LNX1: variants seen among roughly 807,000 people sequenced by gnomAD.
LNX1 encodes ligand of numb-protein X 1, also known as E3 ubiquitin-protein ligase LNX.
A neutral mutation model predicts 68.4 loss-of-function variants in LNX1; 54 were observed. That is an observed-to-expected ratio of 0.79 (90% CI 0.63 to 0.99). LNX1 has a LOEUF of 0.99. Among genes scored for constraint, LNX1 ranks in the 50% least tolerant of loss-of-function variants. The pLI, the probability that LNX1 is intolerant of heterozygous loss-of-function variation, is 0.00. For missense variants in LNX1, 906 were observed against 926.4 expected (o/e 0.98, Z 0.29); for synonymous variants, 336 against 350.0 (o/e 0.96, Z 0.45).
In LNX1 at chr4:53,481,746, G is replaced by A; in HGVS notation, c.1459C>T (p.Pro487Ser). Reference protein sequence around the residue: ...WNSNGSWSPGPGERSNTPKPL... With the variant: ...WNSNGSWSPGSGERSNTPKPL... Reference sequence around the variant, plus strand: ...TTGGGAGTGTTGCTCCTCTCCCCTGGCCCTGGGGACCAGCTGCCATTGCTG... The same window carrying A: ...TTGGGAGTGTTGCTCCTCTCCCCTGACCCTGGGGACCAGCTGCCATTGCTG... Residue 487 changes from proline (P) to serine (S), a missense_variant, in exon 7 of 11, where the codon CCA becomes TCA. Pro to Ser is a moderately conservative substitution (Grantham distance 74). Transcript: ENST00000263925. 1 of 1,613,744 alleles carries A rather than the reference G, an allele frequency of 6.2e-7. No homozygotes were observed. The highest frequency in any genetic ancestry group is 8.5e-7 in the Non-Finnish European group (1 of 1,179,820).
chr4:53,512,761 C>T (rs1346299388), intron 2 of LNX1, among the ~76,000 whole-genome samples: 2 of 152,070 alleles, frequency 1.3e-5, no homozygotes, highest in South Asian at 2.1e-4. Context: ...GGAAGTAAGT[C>T]TCCTTGCCAG....
chr4:53,586,718 A>G (rs1732194316), intron 1 of LNX1, among the ~76,000 whole-genome samples: 2 of 152,256 alleles, frequency 1.3e-5, no homozygotes, highest in African/African-American at 4.8e-5. Context: ...GGCAAAGAGA[A>G]CAAGAGTAAA....
In LNX1 at chr4:53,460,902, T is replaced by G; in HGVS notation, c.*5A>C. ...TTTCTGTTTTCCTCTGACCCATCAT[T>G]GATTCTATAAAAAAGTGCCAGGCCA... On this transcript the variant is annotated 3_prime_UTR_variant, in exon 11 of 11. Transcript: ENST00000263925. The G allele has an allele frequency of 6.2e-7, 1 of 1,608,174 alleles. No homozygotes were observed. The highest frequency in any genetic ancestry group is 8.5e-7 in the Non-Finnish European group (1 of 1,177,822).
intron 2 of LNX1, among the ~76,000 whole-genome samples, chr4:53,541,105 C>G (rs1472370759): frequency 2.0e-5 from 3 of 147,300 alleles, no homozygotes; most frequent in African/African-American, 7.5e-5. Context: ...CCACTGCACT[C>G]CAGCCTGGGT....
intron 2 of LNX1, among the ~76,000 whole-genome samples, chr4:53,573,256 C>A (rs893432786): frequency 6.6e-6 from 1 of 152,030 alleles, no homozygotes; most frequent in Non-Finnish European, 1.5e-5. Flanking sequence ...ATGGGGAATT[C>A]GTGTTTAATG....
chr4:53,547,579 C>G (rs1241415771), intron 2 of LNX1, among the ~76,000 whole-genome samples: 1 of 152,040 alleles, frequency 6.6e-6, no homozygotes. Flanking sequence ...TTCTGGGGTC[C>G]CTGACCTCTC....
chr4:53,615,984 A>G (rs537725577), intron 2 of LNX1, among the ~76,000 whole-genome samples: 1 of 143,006 alleles, frequency 7.0e-6, no homozygotes, highest in African/African-American at 2.6e-5. Context: ...GCTATCAAAT[A>G]GCAGGTCTTA....
intron 2 of LNX1, among the ~76,000 whole-genome samples, chr4:53,533,214 G>T (rs1191352349): frequency 4.6e-5 from 7 of 152,198 alleles, no homozygotes; most frequent in Admixed American, 2.6e-4. Flanking sequence ...GGAAGCAGGG[G>T]CTGAGGCACA....
chr4:53,527,411 T>C (rs1727695868), intron 2 of LNX1, among the ~76,000 whole-genome samples: 1 of 152,204 alleles, frequency 6.6e-6, no homozygotes, highest in Non-Finnish European at 1.5e-5. Flanking sequence ...AAAATCCTTC[T>C]GAGAGTGAGT....
intron 6 of LNX1, among the ~76,000 whole-genome samples, chr4:53,493,941 C>T (rs1385507565): frequency 1.3e-5 from 2 of 152,182 alleles, no homozygotes; most frequent in Admixed American, 1.3e-4. Flanking sequence ...CGGATAAAGT[C>T]TGAGGTCCTT....
chr4:53,646,542 A>G (rs1734887480), intron 1 of LNX1, among the ~76,000 whole-genome samples: 1 of 152,184 alleles, frequency 6.6e-6, no homozygotes. Flanking sequence ...TTGTCACCCA[A>G]TCTACATTTT....
intron 1 of LNX1, among the ~76,000 whole-genome samples, chr4:53,650,830 A>G (rs1028790490): frequency 1.3e-5 from 2 of 152,012 alleles, no homozygotes; most frequent in African/African-American, 2.4e-5. Context: ...TGAGGTTTTC[A>G]TTACACTGAG....
chr4:53,572,647 C>T (rs13106967), intron 2 of LNX1, among the ~76,000 whole-genome samples: 201 of 152,242 alleles, frequency 1.3e-3, no homozygotes, highest in Non-Finnish European at 2.6e-3. Context: ...TGATTGTTCA[C>T]CCTTTATTAA....
intron 2 of LNX1, among the ~76,000 whole-genome samples, chr4:53,560,230 T>G (rs1182645981): frequency 2.0e-5 from 3 of 152,192 alleles, no homozygotes; most frequent in African/African-American, 4.8e-5. Context: ...GGTATTGGAT[T>G]GTATTTCTGA....
chr4:53,501,306 G>GGT (rs1553932768), intron 4 of LNX1, among the ~76,000 whole-genome samples: 4 of 119,844 alleles, frequency 3.3e-5, no homozygotes, highest in African/African-American at 9.5e-5. Context: ...TTTTGGGGGT[G>GGT]GGGGGACAGG....
rs76855251 is a variant in LNX1 at position 53,625,211 on chromosome 4, A to G, written c.-215+26957T>C. Among the ~76,000 whole-genome samples, 231 of 152,308 alleles carry G rather than the reference A, an allele frequency of 1.5e-3. 2 individuals carry two copies. The highest frequency in any genetic ancestry group is 5.4e-3 in the African/African-American group (224 of 41,572). ...GACACGAAAAGCACAAACAGAAGAA[A>G]AAATAAATTGGTTTTCATCACAATT... is the stretch of plus-strand genomic sequence containing the variant. On this transcript the variant is annotated intron_variant, in intron 1 of 2. Coordinates refer to the LNX1 transcript ENST00000507168.
chr4:53,532,023 C>T (rs1171866964), intron 2 of LNX1, among the ~76,000 whole-genome samples: 6 of 152,156 alleles, frequency 3.9e-5, no homozygotes, highest in Admixed American at 2.0e-4. Flanking sequence ...AAGAAATATA[C>T]AAGACAAAAG....
At chr4:53,542,180 G>T (rs187366949) in intron 2 of LNX1, among the ~76,000 whole-genome samples, 1 of 152,202 alleles carries the variant, frequency 6.6e-6, no homozygotes, top group Admixed American at 6.5e-5. Flanking sequence ...GCAATTGTCA[G>T]CTTGAAAAAT....
chr4:53,536,615 C>T (rs1728391258), intron 2 of LNX1, among the ~76,000 whole-genome samples: 1 of 152,188 alleles, frequency 6.6e-6, no homozygotes, highest in African/African-American at 2.4e-5. Context: ...TTGGTGCTTC[C>T]ATTTCCATAT....
Sources: gnomAD v4.1 joint callset for allele counts (sites outside exome capture counted in the v4.1 genomes callset) on GRCh38, gnomAD v4.1.1 for gene constraint, MANE v1.5 for transcripts, NCBI Gene and HGNC (gene_info 2026-07-23, HGNC 2026-07-21) for gene names.